The following ARHGAP25 variants were observed in gnomAD, a reference collection of about 807,000 sequenced individuals.
ARHGAP25 encodes rho GTPase-activating protein 25.
In ARHGAP25, 34 loss-of-function variants were observed where a neutral mutation model predicts 71.0. The observed-to-expected ratio is 0.48, with a 90% CI of 0.36 to 0.64. The LOEUF (loss-of-function observed/expected upper bound fraction) is 0.64, where lower values mean the gene tolerates loss of function less well. ARHGAP25 is among the 30% of genes least tolerant of loss of function. The pLI is 0.00. For synonymous variants in ARHGAP25, 282 were observed against 296.5 expected (o/e 0.95, Z 0.50); for missense variants, 706 against 805.1 (o/e 0.88, Z 1.49).
chr2:68,805,818 T>G (rs1194193499), intron 4 of ARHGAP25, among the ~76,000 whole-genome samples: 1 of 152,116 alleles, frequency 6.6e-6, no homozygotes, highest in South Asian at 2.1e-4. Flanking sequence ...GTCAAGTGAC[T>G]TTGCAAACGG....
At chr2:68,721,249 T>G (rs578151979) in intron 2 of ARHGAP25, among the ~76,000 whole-genome samples, 95 of 152,334 alleles carry the variant, frequency 6.2e-4, no homozygotes, top group African/African-American at 2.1e-3. Flanking sequence ...GAACTAGCAA[T>G]CAAAAATTAA....
intron 10 of ARHGAP25, among the ~76,000 whole-genome samples, chr2:68,823,616 T>C (rs1356239492): frequency 4.0e-5 from 6 of 151,772 alleles, no homozygotes; most frequent in Non-Finnish European, 8.8e-5. Flanking sequence ...GGGAGAGTGA[T>C]TAGAGGAGAT....
rs529241975 is a variant in ARHGAP25, at chr2:68,748,575, G to A, written c.61+13315G>A. ...AAGAGATTTTTGTGGAATAGCCTGT[G>A]GCCTGTTAACTTTTCTGCAGCCCAG... On this transcript the variant is annotated intron_variant, in intron 1 of 10. Transcript: ENST00000409202. Among the ~76,000 whole-genome samples, 49 of 152,268 alleles carry A rather than the reference G, an allele frequency of 3.2e-4. No homozygotes were observed. In the South Asian group the frequency reaches 1.0e-2, roughly 31 times the overall value.
chr2:68,764,514 T>C (rs1677011420), intron 1 of ARHGAP25, among the ~76,000 whole-genome samples: 1 of 152,176 alleles, frequency 6.6e-6, no homozygotes, highest in Non-Finnish European at 1.5e-5. Flanking sequence ...TTTCTTCTTG[T>C]GTAGCTCCAG....
At chr2:68,799,180 G>T (rs1230178095) in intron 4 of ARHGAP25, among the ~76,000 whole-genome samples, 1 of 152,170 alleles carries the variant, frequency 6.6e-6, no homozygotes, top group African/African-American at 2.4e-5. Context: ...AATTTGATAT[G>T]CAGAGAGAAT....
At chr2:68,792,419 T>G (rs530702819) in intron 4 of ARHGAP25, among the ~76,000 whole-genome samples, 3 of 152,334 alleles carry the variant, frequency 2.0e-5, no homozygotes, top group African/African-American at 4.8e-5. Flanking sequence ...CATCCCCTCA[T>G]CCTTCTGAGT....
At chr2:68,755,952 A>G (rs75040047) in intron 1 of ARHGAP25, among the ~76,000 whole-genome samples, 3,551 of 152,356 alleles carry the variant, frequency 0.023, 143 homozygotes, top group African/African-American at 0.08. Flanking sequence ...TGGTATATGC[A>G]TTAAATTTAA....
At chr2:68,723,349 A>G (rs530768033) in intron 2 of ARHGAP25, among the ~76,000 whole-genome samples, 31 of 152,320 alleles carry the variant, frequency 2.0e-4, no homozygotes, top group African/African-American at 6.7e-4. Flanking sequence ...GTTGTGGGCC[A>G]TGCCACATCC....
intron 9 of ARHGAP25, chr2:68,819,833 G>A (rs1038214973): frequency 4.6e-5 from 11 of 238,596 alleles, no homozygotes; most frequent in African/African-American, 2.2e-4. Context: ...TGAAACTCAC[G>A]TTCCCAATGT....
intron 4 of ARHGAP25, 99 bp downstream of exon 4, chr2:68,788,055 A>T (rs1678881957): frequency 1.1e-6 from 1 of 928,956 alleles, no homozygotes; most frequent in Non-Finnish European, 1.7e-6. Context: ...TGCTCAAGGG[A>T]GACAACCAGA....
At position 68,734,953 on chromosome 2, in the gene ARHGAP25, G is replaced by A. The variant is rs1240672184; in HGVS notation, c.-247G>A. On this transcript the variant is annotated 5_prime_UTR_variant, in exon 1 of 11. Transcript: ENST00000409202. ...GAAAAGCAGGGTGCTAGCCCCTGTG[G>A]GACTGAGGGTGGAGGCTGGGGGAGT... 8.6e-6 allele frequency: 5 copies of A among 581,560 alleles called. No individual in the cohort carries two copies. The highest frequency in any genetic ancestry group is 1.5e-5 in the Non-Finnish European group (5 of 327,458). The allele number at this position is 581,560 out of a possible 1,614,324, so 36.0% of individuals were successfully genotyped here.
At position 68,826,394 on chromosome 2, in the gene ARHGAP25, A is replaced by G; in HGVS notation, c.*200A>G. Reference sequence around the variant, plus strand: ...GCAGAGATGTGTGTGGACATCTCTGACCATCCATCGCTGTATTCAAATGGA... The same window carrying G: ...GCAGAGATGTGTGTGGACATCTCTGGCCATCCATCGCTGTATTCAAATGGA... On this transcript the variant is annotated 3_prime_UTR_variant, in exon 11 of 11. Transcript: ENST00000409202. 2.9e-6 allele frequency: 2 copies of G among 689,332 alleles called. No individual in the cohort carries two copies. Among genetic ancestry groups the G allele is most frequent in the Middle Eastern group, 7.5e-4 (2 of 2,674 alleles). 42.7% of individuals were successfully genotyped at this position (689,332 alleles called of 1,614,324 possible).
At chr2:68,727,231 G>C (rs950841603) in intron 2 of ARHGAP25, among the ~76,000 whole-genome samples, 4 of 152,188 alleles carry the variant, frequency 2.6e-5, no homozygotes, top group African/African-American at 9.7e-5. Context: ...AAATACAAGC[G>C]AGTGAAACTG....
chr2:68,774,000 A>T lies in ARHGAP25; in HGVS notation c.62-1221A>T, dbSNP rs535272928. Among the ~76,000 whole-genome samples the T allele has an allele frequency of 9.1e-4, 139 of 152,336 alleles. 1 individual carries two copies. Among genetic ancestry groups the T allele is most frequent in the African/African-American group, 3.3e-3 (136 of 41,562 alleles). ...TTATCCACCGTCAAAAAGTCAGGAA[A>T]GGTAGAACTAGTCTCCAATCAGGTG... On this transcript the variant is annotated intron_variant, in intron 1 of 10. Transcript: ENST00000409202.
intron 2 of ARHGAP25, chr2:68,775,888 AG>A (rs1677861710): frequency 3.0e-6 from 1 of 335,906 alleles, no homozygotes; most frequent in South Asian, 2.3e-5. Context: ...GTGGAGGAAA[AG>A]ACACATAAAC....
At chr2:68,739,128 T>A (rs1243151381) in intron 1 of ARHGAP25, among the ~76,000 whole-genome samples, 2 of 152,148 alleles carry the variant, frequency 1.3e-5, no homozygotes, top group Non-Finnish European at 2.9e-5. Flanking sequence ...CCAACCTAAG[T>A]GGTGATGGGA....
intron 2 of ARHGAP25, among the ~76,000 whole-genome samples, chr2:68,714,599 C>T (rs563188226): frequency 6.6e-6 from 1 of 152,254 alleles, no homozygotes; most frequent in South Asian, 2.1e-4. Context: ...TAGATCTTTC[C>T]TGCTTTCTCC....
intron 1 of ARHGAP25, among the ~76,000 whole-genome samples, chr2:68,760,720 AG>A (rs754379426): frequency 6.6e-6 from 1 of 152,026 alleles, no homozygotes; most frequent in Non-Finnish European, 1.5e-5. Flanking sequence ...AAGACATCCC[AG>A]GCTCCCTAGG....
chr2:68,721,244 A>G (rs1253265639), intron 2 of ARHGAP25, among the ~76,000 whole-genome samples: 1 of 152,224 alleles, frequency 6.6e-6, no homozygotes, highest in East Asian at 1.9e-4. Context: ...CATCAGAACT[A>G]GCAATCAAAA....
Sources: allele counts gnomAD v4.1 joint callset (sites outside exome capture counted in the v4.1 genomes callset), GRCh38; gene constraint gnomAD v4.1.1; transcripts MANE v1.5; gene names NCBI Gene and HGNC (gene_info 2026-07-23, HGNC 2026-07-21).